Variants in FBXO41 observed in about 807,000 individuals in gnomAD.
The protein encoded by FBXO41 is F-box only protein 41.
FBXO41 carries 33 observed loss-of-function variants against 81.6 expected under a neutral mutation model. That is an observed-to-expected ratio of 0.40 (90% CI 0.31 to 0.54). The LOEUF is 0.54. Among genes scored for constraint, FBXO41 ranks in the 20% least tolerant of loss-of-function variants. The pLI, the probability that FBXO41 is intolerant of heterozygous loss-of-function variation, is 0.39. For synonymous variants in FBXO41, 576 were observed against 552.7 expected, an observed-to-expected ratio of 1.04 and a Z score of -0.59; for missense variants, 1,107 against 1,236.0, an observed-to-expected ratio of 0.90 and a Z score of 1.56.
At position 73,259,165 on chromosome 2, in the gene FBXO41, A is replaced by G; in HGVS notation, c.2565+16T>C. 6.2e-7 allele frequency: 1 copy of G among 1,613,246 alleles called. No individual in the cohort carries two copies. Among genetic ancestry groups the G allele is most frequent in the Non-Finnish European group, 8.5e-7 (1 of 1,179,154 alleles). On this transcript the variant is annotated intron_variant, in intron 12 of 12. Transcript: ENST00000520530. The surrounding 1 kb of genome is among the most constrained non-coding windows in gnomAD (Gnocchi z 4.2). ...GCCACTTGGGGTCTTGGACAGCCTC[A>G]GAGCTGACCCCTCACCTGGAGTTTT...
rs1687926688 is a variant in FBXO41, at chr2:73,259,340, G to A, written c.2450-44C>T. The stretch of plus-strand genomic sequence containing the variant: ...AGTAGGGGCGTGTTTGGCCTGGGCT[G>A]TGGAGCTGCCTCCTCTCCTCTCACT... On this transcript the variant is annotated intron_variant, in intron 11 of 12. Transcript: ENST00000520530. This position sits in a 1 kb window ranked among gnomAD's most constrained non-coding sequence, Gnocchi z 4.2. The A allele has an allele frequency of 6.6e-7, 1 of 1,503,820 alleles. No homozygotes were observed. The highest frequency in any genetic ancestry group is 1.1e-5 in the South Asian group (1 of 88,800). The allele number at this position is 1,503,820 out of a possible 1,614,324, so 93.2% of individuals were successfully genotyped here. A position where few individuals can be genotyped will look rare whatever the true frequency, so the allele number is the denominator to read the frequency against.
rs370814153 is a variant in FBXO41 at position 73,259,233 on chromosome 2, G to A, written c.2513C>T (p.Pro838Leu). 32 of 1,613,884 alleles carry A rather than the reference G, an allele frequency of 2.0e-5. No homozygotes were observed. The highest frequency in any genetic ancestry group is 3.4e-6 in the Non-Finnish European group (4 of 1,179,894). Residue 838 changes from proline to leucine, a missense_variant, in exon 12 of 13, where the codon CCC (proline) becomes CTC (leucine). Transcript: ENST00000520530. This position sits in a 1 kb window ranked among gnomAD's most constrained non-coding sequence, Gnocchi z 4.2. ...CAGCTTCTGGGCCTCAGGGCTGCTG[G>A]GCTCTTTGAAATAATCCGCAATCCC... Reference protein sequence around the residue: ...QIGIADYFKEPSSPEAQKLFE... With the variant: ...QIGIADYFKELSSPEAQKLFE...
At chr2:73,280,230 A>AT (rs1688810091) in intron 1 of FBXO41, among the ~76,000 whole-genome samples, 1 of 150,378 alleles carries the variant, frequency 6.6e-6, no homozygotes, top group African/African-American at 2.4e-5. Context: ...TAAATATTTG[A>AT]TTTTGTCTAC....
chr2:73,270,640 C>A (rs1330761626), intron 1 of FBXO41, among the ~76,000 whole-genome samples: 1 of 152,062 alleles, frequency 6.6e-6, no homozygotes. Context: ...GTGTCCCTGC[C>A]CTGCCTTTAC....
Position 73,269,544 on chromosome 2 carries a change from C to G in FBXO41, c.87G>C (p.Leu29=). 1 of 1,366,694 alleles carries G rather than the reference C, an allele frequency of 7.3e-7. No homozygotes were observed. Among genetic ancestry groups the G allele is most frequent in the Non-Finnish European group, 9.5e-7 (1 of 1,050,004 alleles). The allele number at this position is 1,366,694 out of a possible 1,614,324, so 84.7% of individuals were successfully genotyped here. The change falls in exon 2 of 13, where the codon CTG becomes CTC. Residue 29 remains leucine (L), a synonymous_variant. Transcript: ENST00000520530. The surrounding 1 kb of genome is among the most constrained non-coding windows in gnomAD (Gnocchi z 7.0). Reference sequence around the variant, plus strand: ...GCGTCTCGTAGGTGTGGCTGTACTCCAGGTGCGCGCGCAGCGACGACAGGC... The same window carrying G: ...GCGTCTCGTAGGTGTGGCTGTACTCGAGGTGCGCGCGCAGCGACGACAGGC... ...FRSLSSLRAH[L]EYSHTYETLY...
chr2:73,263,412 G>A, intron 8 of FBXO41, 104 bp from the exon 9 acceptor site: 1 of 896,852 alleles, frequency 1.1e-6, no homozygotes, highest in Non-Finnish European at 1.6e-6. Context: ...CTGAGCCCAG[G>A]ATTCCAGACT....
At position 73,260,902 on chromosome 2, in the gene FBXO41, C is replaced by CTA; in HGVS notation, c.2172-45_2172-44insTA. ...GAGCCGTCAGGGAAGTCTCTGGATG[C>CTA]TTGATAACCCAGCATGCTCCTCCTG... is the stretch of plus-strand genomic sequence containing the variant. On this transcript the variant is annotated intron_variant, in intron 9 of 12. Transcript: ENST00000520530. This position sits in a 1 kb window ranked among gnomAD's most constrained non-coding sequence, Gnocchi z 5.0. The CTA allele has an allele frequency of 6.7e-7, 1 of 1,487,336 alleles. No homozygotes were observed. The highest frequency in any genetic ancestry group is 1.4e-5 in the African/African-American group (1 of 71,924). The allele number at this position is 1,487,336 out of a possible 1,614,324, so 92.1% of individuals were successfully genotyped here.
chr2:73,259,754 A>C lies in FBXO41; in HGVS notation c.2450-458T>G, dbSNP rs960164455. 3.3e-5 allele frequency among the ~76,000 whole-genome samples: 5 copies of C among 152,122 alleles called. No individual in the cohort carries two copies. The highest frequency in any genetic ancestry group is 1.2e-4 in the African/African-American group (5 of 41,400). ...GGTAGAGGAAGATCAGGCGACTGAG[A>C]AGGGCCTGGAGGTCATGATTCTGGA... On this transcript the variant is annotated intron_variant, in intron 11 of 12. Transcript: ENST00000520530. This position sits in a 1 kb window ranked among gnomAD's most constrained non-coding sequence, Gnocchi z 4.2.
In FBXO41 at chr2:73,259,082, C is replaced by T. The variant is rs1687917662; in HGVS notation, c.2566-38G>A. 1 of 1,607,492 alleles carries T rather than the reference C, an allele frequency of 6.2e-7. No individual in the cohort carries two copies. ...CCCTGGGTTAGTTCTCCCTCCGTGCCAGGCAGGTGGGGCCCTCCTGCCACA... is the reference window on the plus strand; with the variant it reads ...CCCTGGGTTAGTTCTCCCTCCGTGCTAGGCAGGTGGGGCCCTCCTGCCACA... On this transcript the variant is annotated intron_variant, in intron 12 of 12. Transcript: ENST00000520530. This position sits in a 1 kb window ranked among gnomAD's most constrained non-coding sequence, Gnocchi z 4.2.
In FBXO41 at chr2:73,259,226, G is replaced by T. The variant is rs145166005; in HGVS notation, c.2520C>A (p.Ser840Arg). The change falls in exon 12 of 13, where the codon AGC becomes AGA. Residue 840 changes from serine (S) to arginine (R), a missense_variant. Physicochemically the swap from Ser to Arg is moderately radical, Grantham distance 110 (BLOSUM62 -1). Around this residue, in one of 2 missense-constraint regions of FBXO41, gnomAD observed 336 missense variants for 446.7 expected, o/e 0.75. Coordinates refer to ENST00000520530, the MANE Select transcript of FBXO41 (RefSeq NM_001371389.2). The surrounding 1 kb of genome is among the most constrained non-coding windows in gnomAD (Gnocchi z 4.2). Reference protein sequence around the residue: ...GIADYFKEPSSPEAQKLFEDM... With the variant: ...GIADYFKEPSRPEAQKLFEDM... ...CCTCAAACAGCTTCTGGGCCTCAGGGCTGCTGGGCTCTTTGAAATAATCCG... is the reference window on the plus strand; with the variant it reads ...CCTCAAACAGCTTCTGGGCCTCAGGTCTGCTGGGCTCTTTGAAATAATCCG... The T allele has an allele frequency of 6.2e-7, 1 of 1,614,042 alleles. No homozygotes were observed. Among genetic ancestry groups the T allele is most frequent in the East Asian group, 2.2e-5 (1 of 44,884 alleles).
chr2:73,268,907 CCAGCTCGGCCTG>C lies in FBXO41; in HGVS notation c.712_723del (p.Gln238_Leu241del). 3 of 1,546,084 alleles carry C rather than the reference CCAGCTCGGCCTG, an allele frequency of 1.9e-6. No homozygotes were observed. Among genetic ancestry groups the C allele is most frequent in the Non-Finnish European group, 2.6e-6 (3 of 1,148,344 alleles). On this transcript the variant is annotated inframe_deletion, in exon 2 of 13. Transcript: ENST00000520530. Reference sequence around the variant, plus strand: ...GTCTCCAGTTCGGCCGCCTTGCGCTCCAGCTCGGCCTGCAGCCGGCCCACCTGGCCCGCGATC... The same window carrying C: ...GTCTCCAGTTCGGCCGCCTTGCGCTCCAGCCGGCCCACCTGGCCCGCGATC...
At position 73,263,848 on chromosome 2, in the gene FBXO41, G is replaced by T. The variant is rs879831206; in HGVS notation, c.1923-18C>A. On this transcript the variant is annotated intron_variant, in intron 7 of 12. Coordinates refer to ENST00000520530, the MANE Select transcript of FBXO41 (RefSeq NM_001371389.2). ...GGCAGCCCCTGGGGATGACCAAGAGGTCAGAGAGCTGGCAACCTCCTCCTC... is the reference window on the plus strand; with the variant it reads ...GGCAGCCCCTGGGGATGACCAAGAGTTCAGAGAGCTGGCAACCTCCTCCTC... The T allele has an allele frequency of 4.3e-6, 7 of 1,613,908 alleles. No individual in the cohort carries two copies. Among genetic ancestry groups the T allele is most frequent in the Non-Finnish European group, 5.9e-6 (7 of 1,179,886 alleles).
At chr2:73,263,914 C>T (rs1419556288) in intron 7 of FBXO41, 24 bp downstream of exon 7, 1 of 1,613,312 alleles carries the variant, frequency 6.2e-7, no homozygotes, top group Admixed American at 1.7e-5. Context: ...ACAGCACCCA[C>T]CACCCACCCA....
Position 73,259,307 on chromosome 2 carries a change from G to T in FBXO41, c.2450-11C>A, listed in dbSNP as rs532007287. On this transcript the variant is annotated splice_polypyrimidine_tract_variant and intron_variant, in intron 11 of 12. Transcript: ENST00000520530. The surrounding 1 kb of genome is among the most constrained non-coding windows in gnomAD (Gnocchi z 4.2). ...GGTTCCGGCAGATGCCTGAGAAAAG[G>T]TGAGCAAAGTAGGGGCGTGTTTGGC... The T allele has an allele frequency of 1.2e-5, 20 of 1,612,452 alleles. No individual in the cohort carries two copies. The South Asian group carries it at 2.0e-4, about 16-fold the overall frequency.
rs1282640349 is a variant in FBXO41 at position 73,269,308 on chromosome 2, T to G, written c.323A>C (p.His108Pro). The change falls in exon 2 of 13, where the codon CAC becomes CCC. Residue 108 changes from histidine to proline, a missense_variant. Around this residue, in one of 2 missense-constraint regions of FBXO41, gnomAD observed 771 missense variants for 789.2 expected, o/e 0.98. Transcript: ENST00000520530. The surrounding 1 kb of genome is among the most constrained non-coding windows in gnomAD (Gnocchi z 7.0). Reference sequence around the variant, plus strand: ...GGCGAGGGGAGCGTGGTGATGGTGGTGGTGCAGCAGGTGCGGCGCCGCGGG... The same window carrying G: ...GGCGAGGGGAGCGTGGTGATGGTGGGGGTGCAGCAGGTGCGGCGCCGCGGG... The part of the protein sequence containing the change: ...PSPAAPHLLH[H>P]HHHHAPLAHF... 1 of 1,528,662 alleles carries G rather than the reference T, an allele frequency of 6.5e-7. No homozygotes were observed. Among genetic ancestry groups the G allele is most frequent in the South Asian group, 1.2e-5 (1 of 82,766 alleles). 94.7% of individuals were successfully genotyped at this position (1,528,662 alleles called of 1,614,324 possible). A position where few individuals can be genotyped will look rare whatever the true frequency, so the allele number is the denominator to read the frequency against.
chr2:73,262,585 G>A (rs535746031), intron 9 of FBXO41, among the ~76,000 whole-genome samples: 1 of 152,304 alleles, frequency 6.6e-6, no homozygotes, highest in South Asian at 2.1e-4. Context: ...CAGGCTTTGT[G>A]TACCTGATCT....
At position 73,259,447 on chromosome 2, in the gene FBXO41, G is replaced by T. The variant is rs552942218; in HGVS notation, c.2450-151C>A. ...AGACTCATGCCACCTGGGGGCTGGC[G>T]ACCGGATGCGGGGAGAGGTAGATGG... On this transcript the variant is annotated intron_variant, in intron 11 of 12. Coordinates refer to ENST00000520530, the MANE Select transcript of FBXO41 (RefSeq NM_001371389.2). The surrounding 1 kb of genome is among the most constrained non-coding windows in gnomAD (Gnocchi z 4.2). Among the ~76,000 whole-genome samples the T allele has an allele frequency of 6.6e-6, 1 of 152,194 alleles. No individual in the cohort carries two copies. Among genetic ancestry groups the T allele is most frequent in the Non-Finnish European group, 1.5e-5 (1 of 68,034 alleles).
intron 1 of FBXO41, among the ~76,000 whole-genome samples, chr2:73,282,598 G>A (rs1688880227): frequency 6.6e-6 from 1 of 152,162 alleles, no homozygotes; most frequent in Admixed American, 6.5e-5. Flanking sequence ...AGCTGCTTGG[G>A]AGACTGAGGT....
In FBXO41 at chr2:73,269,509, A is replaced by G; in HGVS notation, c.122T>C (p.Leu41Pro). The change falls in exon 2 of 13, where the codon CTC becomes CCC. Residue 41 changes from leucine (L) to proline (P), a missense_variant. Transcript: ENST00000520530. This position sits in a 1 kb window ranked among gnomAD's most constrained non-coding sequence, Gnocchi z 7.0. ...GTCGCAGATGCTGTTGGTCTTGGAG[A>G]GGATGTAGAGCGTCTCGTAGGTGTG... ...YSHTYETLYI[L>P]SKTNSICDGA... The G allele has an allele frequency of 1.5e-6, 2 of 1,346,170 alleles. No homozygotes were observed. Among genetic ancestry groups the G allele is most frequent in the Non-Finnish European group, 1.9e-6 (2 of 1,039,334 alleles). The allele number at this position is 1,346,170 out of a possible 1,614,324, so 83.4% of individuals were successfully genotyped here. A position where few individuals can be genotyped will look rare whatever the true frequency, so the allele number is the denominator to read the frequency against.
Sources: gnomAD v4.1 joint callset for allele counts (sites outside exome capture counted in the v4.1 genomes callset) on GRCh38, gnomAD v4.1.1 for gene constraint, gnomAD v4.1.1 regional missense constraint, Gnocchi (gnomAD v3.1) non-coding constraint, MANE v1.5 for transcripts, NCBI Gene and HGNC (gene_info 2026-07-23, HGNC 2026-07-21) for gene names.